Variants in F5 observed in about 807,000 individuals in gnomAD.
The protein encoded by F5 is activated protein c cofactor.
F5 carries 138 observed loss-of-function variants against 216.4 expected under a neutral mutation model. The ratio of observed to expected loss-of-function variants is 0.64; its 90% CI spans 0.56 to 0.73. F5 has a LOEUF of 0.73. Ranked by LOEUF, F5 falls within the 30% of genes least tolerant of loss-of-function variation. F5 has a pLI of 0.00. For missense variants in F5, 2,403 were observed against 2,674.0 expected, an observed-to-expected ratio of 0.90 and a Z score of 2.24; for synonymous variants, 916 against 930.7, an observed-to-expected ratio of 0.98 and a Z score of 0.29.
chr1:169,551,995 A>G (rs1402257190), intron 8 of F5, among the ~76,000 whole-genome samples: 1 of 151,474 alleles, frequency 6.6e-6, no homozygotes, highest in Non-Finnish European at 1.5e-5. Context: ...TATCTTAGCT[A>G]TAATGAGAAA....
intron 3 of F5, among the ~76,000 whole-genome samples, chr1:169,564,885 C>A (rs547714618): frequency 6.6e-6 from 1 of 152,214 alleles, no homozygotes; most frequent in African/African-American, 2.4e-5. Context: ...AGGTTCTGAG[C>A]ATGGAAACCA....
At position 169,542,318 on chromosome 1, in the gene F5, C is replaced by G; in HGVS notation, c.2772G>C (p.Trp924Cys). The G allele has an allele frequency of 6.3e-7, 1 of 1,599,396 alleles. No individual in the cohort carries two copies. The highest frequency in any genetic ancestry group is 8.6e-7 in the Non-Finnish European group (1 of 1,168,296). ...GTAACAGATCACTAGGAGGGTCCTTCCAGGGCCTCATTCTGGAAGGAGAAC... is the reference window on the plus strand; with the variant it reads ...GTAACAGATCACTAGGAGGGTCCTTGCAGGGCCTCATTCTGGAAGGAGAAC... ...DTGSPSRMRP[W>C]KDPPSDLLLL... The change falls in exon 13 of 25, where the codon TGG (tryptophan) becomes TGC (cysteine). Residue 924 changes from tryptophan (W) to cysteine (C), a missense_variant. This residue lies in a region of F5 where 1,425 missense variants were observed against 1,554.8 expected (regional missense o/e 0.92). Transcript: ENST00000367797.
rs368243071 is a variant in F5 at position 169,544,315 on chromosome 1, C to T, written c.1956G>A (p.Thr652=). 38 of 1,613,758 alleles carry T rather than the reference C, an allele frequency of 2.4e-5. No homozygotes were observed. The highest frequency in any genetic ancestry group is 1.6e-4 in the Middle Eastern group (1 of 6,084). The change falls in exon 12 of 25, where the codon ACG becomes ACA. Residue 652 remains threonine (T), a synonymous_variant. Coordinates refer to ENST00000367797, the MANE Select transcript of F5 (RefSeq NM_000130.5). ...TLFPMRGESV[T]VTMDNVGTWM... is the part of the protein sequence containing the mutation. ...ACTCACCAACATTATCCATTGTGAC[C>T]GTCACAGATTCTCCACGCATGGGGA...
In F5 at chr1:169,526,457, C is replaced by T. The variant is rs1195301608; in HGVS notation, c.5600-440G>A. 3.9e-5 allele frequency among the ~76,000 whole-genome samples: 6 copies of T among 152,148 alleles called. No individual in the cohort carries two copies. The East Asian group carries it at 1.2e-3, about 29-fold the overall frequency. ...TTCTTCCTCCATGTTTTCAAGTTTT[C>T]CATAAAGCTTACATATTTGAATAGA... On this transcript the variant is annotated intron_variant, in intron 17 of 24. Transcript: ENST00000367797.
chr1:169,515,244 C>A (rs1220604751), intron 24 of F5, among the ~76,000 whole-genome samples, 200 bp downstream of exon 24: 1 of 152,084 alleles, frequency 6.6e-6, no homozygotes, highest in African/African-American at 2.4e-5. Context: ...CCTATGAGGG[C>A]AACCTGGTGT....
rs750217863 is a variant in F5, at chr1:169,540,875, G to A, written c.4215C>T (p.Asp1405=). 1 of 1,611,306 alleles carries A rather than the reference G, an allele frequency of 6.2e-7. No homozygotes were observed. The highest frequency in any genetic ancestry group is 1.7e-5 in the Admixed American group (1 of 59,340). Reference sequence around the variant, plus strand: ...CTGGAGAAAGTGTCATCTGGTCGAGGTCTGGGGTAAGGGGAATTTGACTGA... The same window carrying A: ...CTGGAGAAAGTGTCATCTGGTCGAGATCTGGGGTAAGGGGAATTTGACTGA... ...ADLSQIPLTP[D]LDQMTLSPDL... is the part of the protein sequence containing the mutation. The change falls in exon 13 of 25, where the codon GAC becomes GAT. Residue 1405 remains aspartate, a synonymous_variant. Transcript: ENST00000367797.
At chr1:169,539,295 T>C (rs1659775890) in intron 13 of F5, among the ~76,000 whole-genome samples, 1 of 152,072 alleles carries the variant, frequency 6.6e-6, no homozygotes, top group Admixed American at 6.6e-5. Flanking sequence ...GAGCATAACA[T>C]GCAAACTCAC....
chr1:169,549,835 C>T lies in F5; in HGVS notation c.1577G>A (p.Cys526Tyr), dbSNP rs773367113. ...ASGLIGLLLI[C>Y]KSRSLDRRGI... is the part of the protein sequence containing the mutation. ...TCGCCTGTCCAGGGATCTGCTCTTA[C>T]AGATTAGAAGTAGTCCTATTAGCCC... The change falls in exon 10 of 25, where the codon TGT (cysteine) becomes TAT (tyrosine). Residue 526 changes from cysteine to tyrosine, a missense_variant. Transcript: ENST00000367797. 2.5e-6 allele frequency: 4 copies of T among 1,613,910 alleles called. No individual in the cohort carries two copies. In the African/African-American group the frequency reaches 5.3e-5, roughly 22 times the overall value.
intron 3 of F5, among the ~76,000 whole-genome samples, chr1:169,565,408 A>T: frequency 6.6e-6 from 1 of 152,078 alleles, no homozygotes; most frequent in Non-Finnish European, 1.5e-5. Context: ...TTCCATAGGT[A>T]CCTAGAGAAG....
At chr1:169,559,397 G>T in intron 4 of F5, 101 bp from the exon 5 acceptor site, 8 of 1,159,264 alleles carry the variant, frequency 6.9e-6, no homozygotes, top group South Asian at 1.2e-5. Flanking sequence ...CAACCATAAT[G>T]ATTTCAACTT....
At chr1:169,545,118 A>G (rs1659968331) in intron 11 of F5, among the ~76,000 whole-genome samples, 1 of 152,248 alleles carries the variant, frequency 6.6e-6, no homozygotes, top group South Asian at 2.1e-4. Flanking sequence ...GTCTACCTCG[A>G]TTACCACTCT....
chr1:169,556,701 A>C lies in F5; in HGVS notation c.897T>G (p.Thr299=). 1 of 1,614,114 alleles carries C rather than the reference A, an allele frequency of 6.2e-7. No homozygotes were observed. Among genetic ancestry groups the C allele is most frequent in the African/African-American group, 1.3e-5 (1 of 75,024 alleles). The change falls in exon 6 of 25, where the codon ACT becomes ACG. Residue 299 remains threonine (T), a synonymous_variant. Coordinates refer to ENST00000367797, the MANE Select transcript of F5 (RefSeq NM_000130.5). Reference sequence around the variant, plus strand: ...TGATCCACTTTCCCTCTGGGCCCACAGTCATATTTGCGGTAGTGGATGTAG... The same window carrying C: ...TGATCCACTTTCCCTCTGGGCCCACCGTCATATTTGCGGTAGTGGATGTAG... The part of the protein sequence containing the change: ...VSATSTTANM[T]VGPEGKWIIS...
chr1:169,518,640 GAAAT>G, intron 22 of F5, 77 bp from the exon 23 acceptor site: 1 of 1,467,184 alleles, frequency 6.8e-7, no homozygotes. Flanking sequence ...GAGGAGATAA[GAAAT>G]AATATTACTA....
chr1:169,520,338 G>T (rs1041037797), intron 22 of F5, among the ~76,000 whole-genome samples, 182 bp downstream of exon 22: 1 of 152,140 alleles, frequency 6.6e-6, no homozygotes, highest in Non-Finnish European at 1.5e-5. Context: ...ACTCTGATTG[G>T]CAGAACCATT....
intron 13 of F5, among the ~76,000 whole-genome samples, chr1:169,536,937 A>G (rs1273271727): frequency 6.6e-6 from 1 of 151,968 alleles, no homozygotes; most frequent in Non-Finnish European, 1.5e-5. Flanking sequence ...TCAATTTCTC[A>G]TATTTCTATA....
Position 169,541,737 on chromosome 1 carries a change from T to TA in F5, c.3352dup (p.Tyr1118LeufsTer19). ...GTGTTCCTCTGGGGGCACTGTCTGA[T>TA]AAAGACCTGGAGGACAGCTTGCCTG... On this transcript the variant is annotated frameshift_variant, in exon 13 of 25. Transcript: ENST00000367797. LOFTEE classifies it high-confidence loss of function. 1 of 1,614,026 alleles carries TA rather than the reference T, an allele frequency of 6.2e-7. No individual in the cohort carries two copies. Among genetic ancestry groups the TA allele is most frequent in the Non-Finnish European group, 8.5e-7 (1 of 1,179,974 alleles).
chr1:169,521,615 A>ATTT lies in F5; in HGVS notation c.6049-954_6049-952dup, dbSNP rs35651599. Among the ~76,000 whole-genome samples the ATTT allele has an allele frequency of 1.3e-3, 136 of 106,246 alleles. 7 individuals carry two copies. Among genetic ancestry groups the ATTT allele is most frequent in the Middle Eastern group, 0.011 (2 of 180 alleles). The allele number at this position is 106,246 out of a possible 152,430, so 69.7% of individuals were successfully genotyped here. ...AAAACAAGGCTGGTTCTGTGAAAAG[A>ATTT]TTTTTTTTTTTTTTTTTTTTTTTTG... is the stretch of plus-strand genomic sequence containing the variant. On this transcript the variant is annotated intron_variant, in intron 21 of 24. Coordinates refer to ENST00000367797, the MANE Select transcript of F5 (RefSeq NM_000130.5).
In F5 at chr1:169,524,926, A is replaced by T; in HGVS notation, c.5717-18T>A. On this transcript the variant is annotated intron_variant, in intron 18 of 24. Transcript: ENST00000367797. ...CCTACAGTCTATGAAAAACAGAAAA[A>T]AAATGAATAATTTTTGCTTAGAAAA... 1 of 1,599,640 alleles carries T rather than the reference A, an allele frequency of 6.3e-7. No homozygotes were observed. The highest frequency in any genetic ancestry group is 8.6e-7 in the Non-Finnish European group (1 of 1,167,546).
At chr1:169,575,807 T>C (rs995943755) in intron 2 of F5, among the ~76,000 whole-genome samples, 2 of 152,028 alleles carry the variant, frequency 1.3e-5, no homozygotes, top group Non-Finnish European at 2.9e-5. Context: ...CAGAATAATG[T>C]GCCCCTGCTG....
Sources: allele counts gnomAD v4.1 joint callset (sites outside exome capture counted in the v4.1 genomes callset), GRCh38; gene constraint gnomAD v4.1.1; regional missense constraint gnomAD v4.1.1; transcripts MANE v1.5; gene names NCBI Gene and HGNC (gene_info 2026-07-23, HGNC 2026-07-21).